Variants in FERMT2 observed in about 807,000 individuals in gnomAD.
The protein encoded by FERMT2 is fermitin family homolog 2.
A neutral mutation model predicts 82.7 loss-of-function variants in FERMT2; 15 were observed. The observed-to-expected ratio is 0.18, with a 90% CI of 0.12 to 0.28. The LOEUF (loss-of-function observed/expected upper bound fraction) is 0.28, where lower values mean the gene tolerates loss of function less well. Ranked by LOEUF, FERMT2 falls within the 10% of genes least tolerant of loss-of-function variation. The probability of loss-of-function intolerance (pLI) is 1.00; values close to 1 mark genes in which losing one functional copy is unlikely to be tolerated. For missense variants in FERMT2, 645 were observed against 809.4 expected (o/e 0.80, Z 2.46); for synonymous variants, 274 against 271.5 (o/e 1.01, Z -0.09).
chr14:52,940,141 G>A (rs956369842), intron 2 of FERMT2, among the ~76,000 whole-genome samples: 6 of 152,138 alleles, frequency 3.9e-5, no homozygotes, highest in African/African-American at 9.7e-5. Context: ...CCTTCTCTGG[G>A]CTGGAGGTTA....
chr14:52,936,107 ATTC>A (rs1355093361), intron 2 of FERMT2, among the ~76,000 whole-genome samples: 1 of 152,214 alleles, frequency 6.6e-6, no homozygotes. Flanking sequence ...GGTCTGACAA[ATTC>A]TAAGAGAGTA....
intron 2 of FERMT2, among the ~76,000 whole-genome samples, chr14:52,932,492 T>TA (rs1889636190): frequency 1.3e-5 from 2 of 152,290 alleles, no homozygotes; most frequent in South Asian, 4.1e-4. Context: ...CTCAAAGAGG[T>TA]TATGGTTAGC....
At chr14:52,867,534 G>C (rs1566718541) in intron 10 of FERMT2, among the ~76,000 whole-genome samples, 1 of 151,856 alleles carries the variant, frequency 6.6e-6, no homozygotes, top group East Asian at 1.9e-4. Flanking sequence ...TTAAACATGG[G>C]TGATCTGCAG....
intron 2 of FERMT2, among the ~76,000 whole-genome samples, chr14:52,945,441 C>T (rs1361586735): frequency 6.6e-6 from 1 of 151,262 alleles, no homozygotes; most frequent in South Asian, 2.1e-4. Flanking sequence ...TTGGTAGAGA[C>T]GGGGATTTCA....
intron 2 of FERMT2, among the ~76,000 whole-genome samples, chr14:52,936,981 C>A (rs922562690): frequency 5.9e-5 from 9 of 151,558 alleles, no homozygotes; most frequent in Non-Finnish European, 1.2e-4. Context: ...ATGGTGAAAC[C>A]CCATCTCTAC....
intron 7 of FERMT2, among the ~76,000 whole-genome samples, chr14:52,877,580 T>TTTTC: frequency 7.2e-6 from 1 of 138,140 alleles, no homozygotes; most frequent in African/African-American, 2.7e-5. Context: ...CTTGCTTTTT[T>TTTTC]TTTTTTTTTT....
At chr14:52,859,943 G>A (rs370428203) in intron 13 of FERMT2, 8 of 313,222 alleles carry the variant, frequency 2.6e-5, no homozygotes, top group African/African-American at 1.1e-4. Flanking sequence ...TCAGCCTCCC[G>A]AGTAGCTGGG....
rs1259268338 is a variant in FERMT2 at position 52,893,537 on chromosome 14, G to A, written c.392-110C>T. On this transcript the variant is annotated intron_variant, in intron 3 of 14. Transcript: ENST00000341590. Reference sequence around the variant, plus strand: ...ATGTGTAACTTCCTTCTGTATGTCTGAGTTGTGTCAGACATTGATGTCATG... The same window carrying A: ...ATGTGTAACTTCCTTCTGTATGTCTAAGTTGTGTCAGACATTGATGTCATG... 10 of 813,950 alleles carry A rather than the reference G, an allele frequency of 1.2e-5. No individual in the cohort carries two copies. In the African/African-American group the frequency reaches 1.7e-4, roughly 14 times the overall value. 50.4% of individuals were successfully genotyped at this position (813,950 alleles called of 1,614,324 possible).
At chr14:52,943,411 C>A (rs779560456) in intron 2 of FERMT2, among the ~76,000 whole-genome samples, 8 of 152,020 alleles carry the variant, frequency 5.3e-5, no homozygotes, top group Non-Finnish European at 1.2e-4. Context: ...TCCTGTAGCT[C>A]CACACTTGGT....
At chr14:52,922,514 G>A (rs998978419) in intron 2 of FERMT2, among the ~76,000 whole-genome samples, 2 of 151,972 alleles carry the variant, frequency 1.3e-5, no homozygotes, top group African/African-American at 4.8e-5. Flanking sequence ...TATTGTAGAA[G>A]CAGGGCGCTG....
chr14:52,889,948 G>C (rs979983455), intron 4 of FERMT2, among the ~76,000 whole-genome samples: 1 of 152,052 alleles, frequency 6.6e-6, no homozygotes, highest in African/African-American at 2.4e-5. Context: ...GGCCAACATG[G>C]TGAAACCCCA....
chr14:52,940,221 G>T (rs1453265109), intron 2 of FERMT2, among the ~76,000 whole-genome samples: 1 of 152,106 alleles, frequency 6.6e-6, no homozygotes, highest in African/African-American at 2.4e-5. Flanking sequence ...TGGTCCTTAT[G>T]TATCTAAATG....
intron 3 of FERMT2, among the ~76,000 whole-genome samples, chr14:52,908,561 A>G (rs1888144880): frequency 6.6e-6 from 1 of 152,250 alleles, no homozygotes; most frequent in Non-Finnish European, 1.5e-5. Flanking sequence ...AGAAAAGACC[A>G]AATACTATAG....
At chr14:52,881,681 T>C in intron 4 of FERMT2, 2 of 1,006,446 alleles carry the variant, frequency 2.0e-6, no homozygotes. Flanking sequence ...AAGAATATAA[T>C]TAAGTTGGCA....
chr14:52,928,777 C>CT, intron 2 of FERMT2, among the ~76,000 whole-genome samples: 1 of 152,318 alleles, frequency 6.6e-6, no homozygotes, highest in South Asian at 2.1e-4. Context: ...GATTCAAACT[C>CT]TTTCACCTTC....
chr14:52,877,574 C>CTTTTTTTTTTTTTGTTTTTTTT (rs1886042442), intron 7 of FERMT2, among the ~76,000 whole-genome samples: 1 of 67,062 alleles, frequency 1.5e-5, no homozygotes, highest in Non-Finnish European at 2.5e-5. Flanking sequence ...GCTGTTCTTG[C>CTTTTTTTTTTTTTGTTTTTTTT]TTTTTTTTTT....
chr14:52,905,474 A>G (rs766705312), intron 3 of FERMT2, among the ~76,000 whole-genome samples: 26 of 152,192 alleles, frequency 1.7e-4, no homozygotes, highest in Non-Finnish European at 3.5e-4. Context: ...AATGCATTGG[A>G]AAGAACAAGA....
At chr14:52,877,350 C>T (rs931549922) in intron 7 of FERMT2, among the ~76,000 whole-genome samples, 2 of 152,034 alleles carry the variant, frequency 1.3e-5, no homozygotes, top group African/African-American at 2.4e-5. Flanking sequence ...GCCATAACCA[C>T]GTGAGGGGAC....
At chr14:52,936,167 T>C (rs1429831187) in intron 2 of FERMT2, among the ~76,000 whole-genome samples, 1 of 152,198 alleles carries the variant, frequency 6.6e-6, no homozygotes, top group African/African-American at 2.4e-5. Context: ...AGAGAAGTAT[T>C]AGTTGTGTTT....
Sources: gnomAD v4.1 joint callset for allele counts (sites outside exome capture counted in the v4.1 genomes callset) on GRCh38, gnomAD v4.1.1 for gene constraint, MANE v1.5 for transcripts, NCBI Gene and HGNC (gene_info 2026-07-23, HGNC 2026-07-21) for gene names.